COQ8B: variants seen among roughly 807,000 people sequenced by gnomAD.
The protein encoded by COQ8B is atypical kinase COQ8B, mitochondrial.
Under a neutral mutation model 62.0 loss-of-function variants are expected in COQ8B, and 44 were observed. That is an observed-to-expected ratio of 0.71 (90% confidence interval 0.56 to 0.91). COQ8B has a LOEUF of 0.91. Among genes scored for constraint, COQ8B ranks in the 40% least tolerant of loss-of-function variants. COQ8B has a pLI of 0.00. For missense variants in COQ8B, 649 were observed against 731.6 expected (o/e 0.89, Z 1.30); for synonymous variants, 252 against 289.9 (o/e 0.87, Z 1.33).
At chr19:40,708,993 T>C (rs1172225594) in intron 5 of COQ8B, among the ~76,000 whole-genome samples, 1 of 151,986 alleles carries the variant, frequency 6.6e-6, no homozygotes, top group Admixed American at 6.6e-5. Flanking sequence ...CGTGAACACC[T>C]GCACACCCGC....
At chr19:40,697,340 C>A (rs939648438) in intron 12 of COQ8B, among the ~76,000 whole-genome samples, 6 of 152,228 alleles carry the variant, frequency 3.9e-5, no homozygotes, top group Admixed American at 3.9e-4. Context: ...TCTCGAACTA[C>A]TGGGCTCCAG....
At chr19:40,711,425 T>C (rs1213002925) in intron 4 of COQ8B, among the ~76,000 whole-genome samples, 2 of 152,176 alleles carry the variant, frequency 1.3e-5, no homozygotes, top group Admixed American at 1.3e-4. Flanking sequence ...GGTCTCACTA[T>C]GTTGCCCAGG....
At chr19:40,712,485 G>T (rs945075506) in intron 4 of COQ8B, among the ~76,000 whole-genome samples, 1 of 151,968 alleles carries the variant, frequency 6.6e-6, no homozygotes, top group Non-Finnish European at 1.5e-5. Context: ...CTACTCAGGA[G>T]GCTGAGGCAG....
Position 40,700,125 on chromosome 19 carries a change from CG to C in COQ8B, c.1084del (p.Arg362AspfsTer21). 1 of 1,614,198 alleles carries C rather than the reference CG, an allele frequency of 6.2e-7. No homozygotes were observed. The highest frequency in any genetic ancestry group is 8.5e-7 in the Non-Finnish European group (1 of 1,180,036). Reference sequence around the variant, plus strand: ...CCAGTTGGGGTCAGTCTGCATGAATCGGAACTCAAACAGCTCCCGCAGACAC... The same window carrying C: ...CCAGTTGGGGTCAGTCTGCATGAATCGAACTCAAACAGCTCCCGCAGACAC... Reference protein sequence around the residue: ...TLCLRELFEFRFMQTDPNWAN... With the variant: ...TLCLRELFEFXFMQTDPNWAN... On this transcript the variant is annotated frameshift_variant, in exon 12 of 15. Transcript: ENST00000324464. LOFTEE classifies it high-confidence loss of function.
At chr19:40,699,712 CT>C (rs1325976898) in intron 12 of COQ8B, among the ~76,000 whole-genome samples, 5 of 152,182 alleles carry the variant, frequency 3.3e-5, no homozygotes, top group African/African-American at 1.2e-4. Context: ...CCTAGGCAGG[CT>C]ATGTCACTAG....
chr19:40,693,262 G>C (rs1236089878), intron 13 of COQ8B, among the ~76,000 whole-genome samples: 3 of 152,192 alleles, frequency 2.0e-5, no homozygotes, highest in African/African-American at 7.2e-5. Flanking sequence ...TGCCCACCTA[G>C]AGGGCAATGT....
At position 40,705,319 on chromosome 19, in the gene COQ8B, C is replaced by A; in HGVS notation, c.490+6G>T. On this transcript the variant is annotated splice_donor_region_variant and intron_variant, in intron 6 of 14. Transcript: ENST00000324464. ...CAGGGGTCAGGAGTCGAGGGTCATG[C>A]TGTACCCTGGATGCTGAGCATCTGG... is the stretch of plus-strand genomic sequence containing the variant. 1 of 1,589,794 alleles carries A rather than the reference C, an allele frequency of 6.3e-7. No homozygotes were observed. Among genetic ancestry groups the A allele is most frequent in the South Asian group, 1.1e-5 (1 of 88,804 alleles).
chr19:40,697,870 A>AGG (rs1273584230), intron 12 of COQ8B, among the ~76,000 whole-genome samples: 3 of 130,482 alleles, frequency 2.3e-5, no homozygotes, highest in African/African-American at 8.6e-5. Flanking sequence ...AGAGAGAGAG[A>AGG]GAGAGAGTTT....
rs202234463 is a variant in COQ8B, at chr19:40,697,874, A to AGAGAGAGAGAGAGAGAGAGT, written c.1144-1821_1144-1820insACTCTCTCTCTCTCTCTCTC. Among the ~76,000 whole-genome samples, 118 of 96,914 alleles carry AGAGAGAGAGAGAGAGAGAGT rather than the reference A, an allele frequency of 1.2e-3. 3 individuals carry two copies. Among genetic ancestry groups the AGAGAGAGAGAGAGAGAGAGT allele is most frequent in the African/African-American group, 1.7e-3 (45 of 27,108 alleles). 63.6% of individuals were successfully genotyped at this position (96,914 alleles called of 152,430 possible). Reference sequence around the variant, plus strand: ...TATAGAGAGAGAGAGAGAGAGAGAGAGAGTTTCTACTGGGCGTTCATGCAA... The same window carrying AGAGAGAGAGAGAGAGAGAGT: ...TATAGAGAGAGAGAGAGAGAGAGAGAGAGAGAGAGAGAGAGAGAGTGAGTTTCTACTGGGCGTTCATGCAA... On this transcript the variant is annotated intron_variant, in intron 12 of 14. Coordinates refer to ENST00000324464, the MANE Select transcript of COQ8B (RefSeq NM_024876.4).
At chr19:40,694,196 C>G (rs1177443422) in intron 13 of COQ8B, among the ~76,000 whole-genome samples, 1 of 152,170 alleles carries the variant, frequency 6.6e-6, no homozygotes, top group Non-Finnish European at 1.5e-5. Context: ...GACCAGACCC[C>G]TAGACACCTC....
At chr19:40,709,846 T>TA (rs956466282) in intron 5 of COQ8B, among the ~76,000 whole-genome samples, 33 of 146,580 alleles carry the variant, frequency 2.3e-4, no homozygotes, top group Non-Finnish European at 3.8e-4. Flanking sequence ...CATCTCAAAT[T>TA]AAAAAAAAAA....
intron 4 of COQ8B, among the ~76,000 whole-genome samples, chr19:40,713,204 G>T (rs1452280436): frequency 6.6e-6 from 1 of 152,018 alleles, no homozygotes; most frequent in African/African-American, 2.4e-5. Flanking sequence ...TCTACTAAAA[G>T]TACAAAAATT....
intron 4 of COQ8B, among the ~76,000 whole-genome samples, chr19:40,711,433 AGGCT>A (rs2082141233): frequency 6.6e-6 from 1 of 152,136 alleles, no homozygotes; most frequent in Admixed American, 6.5e-5. Context: ...TATGTTGCCC[AGGCT>A]GGTCTGGAAC....
intron 4 of COQ8B, among the ~76,000 whole-genome samples, chr19:40,713,647 C>T (rs1364903683): frequency 6.9e-6 from 1 of 145,516 alleles, no homozygotes; most frequent in Non-Finnish European, 1.5e-5. Context: ...ATGTAGGAGG[C>T]AGAGGTTGCA....
intron 1 of COQ8B, chr19:40,715,194 C>T (rs904543464): frequency 3.0e-6 from 3 of 984,954 alleles, no homozygotes; most frequent in African/African-American, 1.7e-5. Context: ...TCCATCTGTG[C>T]GCGGGGGAAG....
chr19:40,693,557 G>A (rs1007623293), intron 13 of COQ8B, among the ~76,000 whole-genome samples: 1 of 152,128 alleles, frequency 6.6e-6, no homozygotes, highest in African/African-American at 2.4e-5. Context: ...CTCCAGCCAT[G>A]AGCTCACACA....
intron 1 of COQ8B, chr19:40,715,128 C>G (rs1425827382): frequency 1.0e-6 from 1 of 986,538 alleles, no homozygotes; most frequent in African/African-American, 1.7e-5. Context: ...ATGCCCGCCC[C>G]CTTCGGCCAG....
intron 13 of COQ8B, among the ~76,000 whole-genome samples, chr19:40,693,581 T>G: frequency 6.6e-6 from 1 of 151,876 alleles, no homozygotes; most frequent in Non-Finnish European, 1.5e-5. Context: ...AGGGCAGGAG[T>G]TGTGGGCATG....
rs1390110306 is a variant in COQ8B, at chr19:40,691,658, G to A, written c.*377C>T. On this transcript the variant is annotated 3_prime_UTR_variant, in exon 15 of 15. Coordinates refer to ENST00000324464, the MANE Select transcript of COQ8B (RefSeq NM_024876.4). Reference sequence around the variant, plus strand: ...CTGTTGGAGGAGCGAGGGAGGCAGAGGTGAGGACTGCCTCCAGGACCATCT... The same window carrying A: ...CTGTTGGAGGAGCGAGGGAGGCAGAAGTGAGGACTGCCTCCAGGACCATCT... The A allele has an allele frequency of 1.1e-5, 2 of 175,156 alleles. No individual in the cohort carries two copies. The highest frequency in any genetic ancestry group is 2.9e-4 in the East Asian group (2 of 6,826). 10.9% of individuals were successfully genotyped at this position (175,156 alleles called of 1,614,324 possible). A position where few individuals can be genotyped will look rare whatever the true frequency, so the allele number is the denominator to read the frequency against.
Sources: gnomAD v4.1 joint callset for allele counts (sites outside exome capture counted in the v4.1 genomes callset) on GRCh38, gnomAD v4.1.1 for gene constraint, MANE v1.5 for transcripts, NCBI Gene and HGNC (gene_info 2026-07-23, HGNC 2026-07-21) for gene names.